Variants in KMT5B observed in about 807,000 individuals in gnomAD.
The protein encoded by KMT5B is lysine methyltransferase 5B.
In KMT5B, 10 loss-of-function variants were observed where a neutral mutation model predicts 83.2. The observed-to-expected ratio is 0.12, with a 90% CI of 0.07 to 0.20. The LOEUF is 0.20. Ranked by LOEUF, KMT5B falls within the 10% of genes least tolerant of loss-of-function variation. The pLI is 1.00. For missense variants in KMT5B, 753 were observed against 1,067.2 expected (o/e 0.71, Z 4.10); for synonymous variants, 349 against 388.8 (o/e 0.90, Z 1.20).
intron 1 of KMT5B, among the ~76,000 whole-genome samples, chr11:68,191,816 C>G (rs1243753829): frequency 2.0e-5 from 3 of 152,158 alleles, no homozygotes; most frequent in African/African-American, 7.2e-5. Flanking sequence ...TTAATAAAGT[C>G]TACAATAGTA....
At chr11:68,181,247 G>T (rs1396726127) in intron 3 of KMT5B, among the ~76,000 whole-genome samples, 1 of 151,912 alleles carries the variant, frequency 6.6e-6, no homozygotes, top group Non-Finnish European at 1.5e-5. Context: ...GCTAATTTTT[G>T]TATTTTTAGT....
chr11:68,203,548 A>C (rs944618744), intron 1 of KMT5B, among the ~76,000 whole-genome samples: 3 of 152,248 alleles, frequency 2.0e-5, no homozygotes, highest in Non-Finnish European at 4.4e-5. Context: ...CCAATAAAAG[A>C]AGCCCTGCAA....
At chr11:68,166,721 T>C in intron 10 of KMT5B, 1 of 1,319,754 alleles carries the variant, frequency 7.6e-7, no homozygotes, top group Non-Finnish European at 9.7e-7. Flanking sequence ...TATGATGACC[T>C]TGGAACATAT....
intron 10 of KMT5B, chr11:68,166,000 GAGA>G (rs1855286970): frequency 1.9e-6 from 3 of 1,612,250 alleles, no homozygotes; most frequent in South Asian, 2.2e-5. Context: ...TGAAAGTAGG[GAGA>G]AGAACCTAAA....
In KMT5B at chr11:68,171,008, A is replaced by G. The variant is rs1458616865; in HGVS notation, c.977+7T>C. The stretch of plus-strand genomic sequence containing the variant: ...GTTTAGGCTGAACATTTTACTTAAT[A>G]CCTTACCTTTCGCAAGTGTAACACT... On this transcript the variant is annotated splice_region_variant and intron_variant, in intron 9 of 10. Coordinates refer to ENST00000304363, the MANE Select transcript of KMT5B (RefSeq NM_017635.5). The surrounding 1 kb of genome is among the most constrained non-coding windows in gnomAD (Gnocchi z 5.1). The G allele has an allele frequency of 6.3e-7, 1 of 1,579,012 alleles. No individual in the cohort carries two copies. Among genetic ancestry groups the G allele is most frequent in the Non-Finnish European group, 8.5e-7 (1 of 1,170,874 alleles).
rs576303689 is a variant in KMT5B at position 68,205,156 on chromosome 11, A to C, written c.-77+7982T>G. Among the ~76,000 whole-genome samples, 304 of 150,468 alleles carry C rather than the reference A, an allele frequency of 2.0e-3. 1 individual carries two copies. The South Asian group carries it at 0.024, about 12-fold the overall frequency. On this transcript the variant is annotated intron_variant, in intron 1 of 10. Coordinates refer to ENST00000304363, the MANE Select transcript of KMT5B (RefSeq NM_017635.5). ...ACCCTCATCTCTACCAAAAAAAAAA[A>C]CAAAAAAAACAAGTAGCCAGTTGTG...
intron 9 of KMT5B, 37 bp from the exon 10 acceptor site, chr11:68,167,215 C>T (rs1161424451): frequency 6.4e-7 from 1 of 1,561,628 alleles, no homozygotes; most frequent in Non-Finnish European, 8.7e-7. Context: ...ACAAATAGAA[C>T]ACACTTTCTT....
chr11:68,191,662 T>C (rs563691541), intron 1 of KMT5B, among the ~76,000 whole-genome samples: 2 of 152,332 alleles, frequency 1.3e-5, no homozygotes, highest in African/African-American at 4.8e-5. Context: ...GCTATATGTG[T>C]TTGTATTTTA....
At chr11:68,173,941 G>A (rs373643285) in intron 5 of KMT5B, 28 bp from the exon 6 acceptor site, 202 of 1,413,562 alleles carry the variant, frequency 1.4e-4, no homozygotes, top group Non-Finnish European at 1.8e-4. Context: ...AATTGATAAT[G>A]ACTTTAAATG....
intron 1 of KMT5B, among the ~76,000 whole-genome samples, chr11:68,204,202 T>C (rs1859786440): frequency 6.6e-6 from 1 of 152,200 alleles, no homozygotes; most frequent in South Asian, 2.1e-4. Flanking sequence ...ACTAAACTTG[T>C]TGAGCTAACA....
chr11:68,164,815 C>T, intron 10 of KMT5B: 1 of 447,266 alleles, frequency 2.2e-6, no homozygotes, highest in South Asian at 1.6e-5. Context: ...GCCTGTGCCT[C>T]CAGTTTGTTC....
At chr11:68,206,107 C>T (rs540101641) in intron 1 of KMT5B, among the ~76,000 whole-genome samples, 1 of 152,272 alleles carries the variant, frequency 6.6e-6, no homozygotes, top group African/African-American at 2.4e-5. Flanking sequence ...TATTTTAAAA[C>T]AAAGGTTTTC....
chr11:68,204,550 T>A (rs1859837568), intron 1 of KMT5B, among the ~76,000 whole-genome samples: 1 of 151,376 alleles, frequency 6.6e-6, no homozygotes, highest in African/African-American at 2.4e-5. Flanking sequence ...GCCTTGACTT[T>A]GGCCCAGTGA....
intron 1 of KMT5B, among the ~76,000 whole-genome samples, chr11:68,193,139 G>A (rs948084562): frequency 1.3e-5 from 2 of 152,184 alleles, no homozygotes; most frequent in Non-Finnish European, 2.9e-5. Context: ...GAACTTCAGA[G>A]CCAAAGATGC....
At chr11:68,186,724 T>C (rs1400718547) in intron 2 of KMT5B, among the ~76,000 whole-genome samples, 2 of 152,224 alleles carry the variant, frequency 1.3e-5, no homozygotes, top group Non-Finnish European at 1.5e-5. Context: ...AGTCCTTCCA[T>C]GGAATCAGCA....
chr11:68,197,225 G>A (rs34623444), intron 1 of KMT5B, among the ~76,000 whole-genome samples: 4,072 of 152,004 alleles, frequency 0.027, 72 homozygotes, highest in Non-Finnish European at 0.043. Context: ...TGCCTGTCTC[G>A]GCCTCCCAAA....
chr11:68,169,202 A>C (rs1267366548), intron 9 of KMT5B, among the ~76,000 whole-genome samples: 1 of 152,244 alleles, frequency 6.6e-6, no homozygotes, highest in Non-Finnish European at 1.5e-5. Flanking sequence ...CACCAGTGAG[A>C]AAACAGAGGC....
intron 3 of KMT5B, among the ~76,000 whole-genome samples, chr11:68,183,665 C>CTT (rs373952720): frequency 3.2e-5 from 4 of 126,534 alleles, no homozygotes; most frequent in Non-Finnish European, 5.0e-5. Context: ...AGTCCTGTAT[C>CTT]TTTTTTTTTT....
chr11:68,210,129 G>C lies in KMT5B; in HGVS notation c.-77+3009C>G, dbSNP rs188923892. The stretch of plus-strand genomic sequence containing the variant: ...CAAAGTGCTGGGATTACAGGCGTGA[G>C]CCACCGTACCCGGCCGGTACTGTTT... On this transcript the variant is annotated intron_variant, in intron 1 of 10. Coordinates refer to ENST00000304363, the MANE Select transcript of KMT5B (RefSeq NM_017635.5). Among the ~76,000 whole-genome samples the C allele has an allele frequency of 1.8e-4, 28 of 152,276 alleles. No individual in the cohort carries two copies. The East Asian group carries it at 5.2e-3, about 28-fold the overall frequency.
Sources: gnomAD v4.1 joint callset for allele counts (sites outside exome capture counted in the v4.1 genomes callset) on GRCh38, gnomAD v4.1.1 for gene constraint, Gnocchi (gnomAD v3.1) non-coding constraint, MANE v1.5 for transcripts, NCBI Gene and HGNC (gene_info 2026-07-23, HGNC 2026-07-21) for gene names.